MARCHF2: variants seen among roughly 807,000 people sequenced by gnomAD.
MARCHF2 encodes the protein membrane associated ring-CH-type finger 2, also known as E3 ubiquitin-protein ligase MARCHF2.
In MARCHF2, 22 loss-of-function variants were observed where a neutral mutation model predicts 24.0. The observed-to-expected ratio is 0.92, with a 90% CI of 0.66 to 1.31. The LOEUF (loss-of-function observed/expected upper bound fraction) is 1.31, where lower values mean the gene tolerates loss of function less well. Among genes scored for constraint, MARCHF2 ranks in the 50% most tolerant of loss-of-function variants. The pLI, the probability that MARCHF2 is intolerant of heterozygous loss-of-function variation, is 0.00. For missense variants in MARCHF2, 301 were observed against 335.3 expected, an observed-to-expected ratio of 0.90 and a Z score of 0.80; for synonymous variants, 154 against 153.0, an observed-to-expected ratio of 1.01 and a Z score of -0.05.
chr19:8,438,177 T>C (rs907196481), intron 4 of MARCHF2, among the ~76,000 whole-genome samples: 1 of 152,226 alleles, frequency 6.6e-6, no homozygotes, highest in Admixed American at 6.5e-5. Context: ...GTGTATCTTG[T>C]CTTTGCAGGA....
chr19:8,430,599 C>T lies in MARCHF2; in HGVS notation c.373-59C>T, dbSNP rs933642019. ...CCTAGGCCTGGAGGTCCTTACCCCT[C>T]CCCCTCAGTAGCCCCTTCTCTGCCC... On this transcript the variant is annotated intron_variant, in intron 3 of 4. Coordinates refer to ENST00000215555, the MANE Select transcript of MARCHF2 (RefSeq NM_001005415.2). The surrounding 1 kb of genome is among the most constrained non-coding windows in gnomAD (Gnocchi z 4.4). 4 of 1,423,558 alleles carry T rather than the reference C, an allele frequency of 2.8e-6. No homozygotes were observed. The highest frequency in any genetic ancestry group is 3.4e-5 in the Admixed American group (2 of 59,096). The allele number at this position is 1,423,558 out of a possible 1,614,324, so 88.2% of individuals were successfully genotyped here. A position where few individuals can be genotyped will look rare whatever the true frequency, so the allele number is the denominator to read the frequency against.
chr19:8,415,837 A>G (rs369731184), intron 1 of MARCHF2, among the ~76,000 whole-genome samples: 1 of 151,644 alleles, frequency 6.6e-6, no homozygotes, highest in African/African-American at 2.4e-5. Context: ...CTCCCATTTC[A>G]GCAGCCTCAG....
Position 8,438,700 on chromosome 19 carries a change from C to A in MARCHF2, c.*154C>A. 1 of 633,778 alleles carries A rather than the reference C, an allele frequency of 1.6e-6. No homozygotes were observed. Among genetic ancestry groups the A allele is most frequent in the Non-Finnish European group, 2.6e-6 (1 of 379,812 alleles). The allele number at this position is 633,778 out of a possible 1,614,324, so 39.3% of individuals were successfully genotyped here. Reference sequence around the variant, plus strand: ...CAAGAGACACCATGCAGAGCCTAGTCTGTGATCCTGTGTGAAGATATTTTC... The same window carrying A: ...CAAGAGACACCATGCAGAGCCTAGTATGTGATCCTGTGTGAAGATATTTTC... On this transcript the variant is annotated 3_prime_UTR_variant, in exon 5 of 5. Coordinates refer to ENST00000215555, the MANE Select transcript of MARCHF2 (RefSeq NM_001005415.2).
intron 4 of MARCHF2, among the ~76,000 whole-genome samples, chr19:8,432,870 A>G (rs1349835464): frequency 6.6e-6 from 1 of 151,406 alleles, no homozygotes; most frequent in African/African-American, 2.4e-5. Flanking sequence ...GAGGATCACC[A>G]TAGCCCATGA....
chr19:8,428,663 A>AAAAAAAC (rs1568239433), intron 3 of MARCHF2, among the ~76,000 whole-genome samples: 1 of 145,468 alleles, frequency 6.9e-6, no homozygotes, highest in African/African-American at 2.6e-5. Context: ...AAAAAAAAAA[A>AAAAAAAC]AAAAAAAAAA....
chr19:8,426,650 G>A lies in MARCHF2; in HGVS notation c.218G>A (p.Gly73Glu), dbSNP rs373043015. ...FCRICHEGAN[G>E]ECLLSPCGCT... The stretch of plus-strand genomic sequence containing the variant: ...CGGATCTGCCATGAGGGAGCGAACG[G>A]GGAGTGCTTGCTGTCCCCGTGTGGC... Residue 73 changes from glycine (G) to glutamate (E), a missense_variant, in exon 3 of 5, where the codon GGG (glycine) becomes GAG (glutamate). Physicochemically the swap from Gly to Glu is moderately conservative, Grantham distance 98 (BLOSUM62 -2). Transcript: ENST00000215555. The A allele has an allele frequency of 1.2e-6, 2 of 1,613,984 alleles. No homozygotes were observed. The highest frequency in any genetic ancestry group is 2.7e-5 in the African/African-American group (2 of 74,904).
Position 8,426,867 on chromosome 19 carries a change from G to A in MARCHF2, c.372+63G>A, listed in dbSNP as rs923174836. On this transcript the variant is annotated intron_variant, in intron 3 of 4. Transcript: ENST00000215555. The stretch of plus-strand genomic sequence containing the variant: ...GAGAGGGCAGACATGGGGGCCAAAG[G>A]CAGGAGCTGCCCCGGGCAATCTGGT... The A allele has an allele frequency of 4.0e-6, 6 of 1,487,120 alleles. No individual in the cohort carries two copies. In the African/African-American group the frequency reaches 8.3e-5, roughly 21 times the overall value. 92.1% of individuals were successfully genotyped at this position (1,487,120 alleles called of 1,614,324 possible). A position where few individuals can be genotyped will look rare whatever the true frequency, so the allele number is the denominator to read the frequency against.
At chr19:8,435,101 T>C (rs7257022) in intron 4 of MARCHF2, among the ~76,000 whole-genome samples, 143,355 of 149,234 alleles carry the variant, frequency 0.96, 69,112 homozygotes, top group East Asian at 1. Flanking sequence ...TCACTGCAAC[T>C]TCTGCCTCTC....
At chr19:8,425,463 C>T (rs1366016679) in intron 2 of MARCHF2, among the ~76,000 whole-genome samples, 1 of 151,756 alleles carries the variant, frequency 6.6e-6, no homozygotes, top group Non-Finnish European at 1.5e-5. Flanking sequence ...CCACACTGGC[C>T]TTGAACTCCT....
intron 1 of MARCHF2, among the ~76,000 whole-genome samples, chr19:8,419,763 C>G (rs1218503066): frequency 5.5e-5 from 8 of 145,418 alleles, no homozygotes; most frequent in Non-Finnish European, 1.2e-4. Context: ...TTGCAGTGAG[C>G]TGAGATCAGG....
At chr19:8,421,397 T>G (rs1443953127) in intron 1 of MARCHF2, among the ~76,000 whole-genome samples, 1 of 146,212 alleles carries the variant, frequency 6.8e-6, no homozygotes, top group Non-Finnish European at 1.5e-5. Flanking sequence ...TTTTTTTTTT[T>G]TTTGTATTTT....
chr19:8,413,306 GA>G lies in MARCHF2; in HGVS notation c.-166del, dbSNP rs1200949635. 1.3e-5 allele frequency: 2 copies of G among 151,992 alleles called. No individual in the cohort carries two copies. Among genetic ancestry groups the G allele is most frequent in the African/African-American group, 4.8e-5 (2 of 41,424 alleles). The allele number at this position is 151,992 out of a possible 1,614,324, so 9.4% of individuals were successfully genotyped here. ...CTGTCGGCTCGGCGGGCGGTGCCCGGACGCAGGTGCCGGCCGGAGCGGAGCT... is the reference window on the plus strand; with the variant it reads ...CTGTCGGCTCGGCGGGCGGTGCCCGGCGCAGGTGCCGGCCGGAGCGGAGCT... On this transcript the variant is annotated 5_prime_UTR_variant, in exon 1 of 5. Transcript: ENST00000215555.
chr19:8,426,920 G>A (rs567746003), intron 3 of MARCHF2, 116 bp downstream of exon 3: 70 of 887,750 alleles, frequency 7.9e-5, no homozygotes, highest in South Asian at 6.4e-4. Context: ...ACTCCCTACC[G>A]CCCCTGTCCA....
intron 1 of MARCHF2, among the ~76,000 whole-genome samples, chr19:8,415,745 A>AAAAAAAAAAAAAAAAAAAAAAAAAAAAAC (rs1568233711): frequency 1.9e-5 from 1 of 53,986 alleles, no homozygotes; most frequent in African/African-American, 5.7e-5. Flanking sequence ...CAAAAAAAAC[A>AAAAAAAAAAAAAAAAAAAAAAAAAAAAAC]AAAAAAAAAA....
chr19:8,438,495 T>A lies in MARCHF2; in HGVS notation c.690T>A (p.Ser230=). 1 of 1,614,074 alleles carries A rather than the reference T, an allele frequency of 6.2e-7. No individual in the cohort carries two copies. The highest frequency in any genetic ancestry group is 1.1e-5 in the South Asian group (1 of 91,076). The part of the protein sequence containing the change: ...EADSPEGPQH[S]PLAAGLLKKV... ...ACAGCCCCGAGGGCCCCCAGCATTC[T>A]CCACTGGCAGCTGGACTCCTGAAGA... The change falls in exon 5 of 5, where the codon TCT becomes TCA. Residue 230 remains serine (S), a synonymous_variant. Coordinates refer to ENST00000215555, the MANE Select transcript of MARCHF2 (RefSeq NM_001005415.2).
chr19:8,417,860 T>C (rs1461570925), intron 1 of MARCHF2, among the ~76,000 whole-genome samples: 3 of 139,478 alleles, frequency 2.2e-5, no homozygotes, highest in African/African-American at 7.8e-5. Flanking sequence ...CCTCCCAGGT[T>C]CAAGTGATTC....
chr19:8,414,079 A>G (rs1470541554), intron 1 of MARCHF2, among the ~76,000 whole-genome samples: 2 of 152,222 alleles, frequency 1.3e-5, no homozygotes, highest in Non-Finnish European at 2.9e-5. Flanking sequence ...AATGAATGCA[A>G]TAACAACCTC....
At chr19:8,417,118 A>T (rs540976305) in intron 1 of MARCHF2, among the ~76,000 whole-genome samples, 12 of 150,696 alleles carry the variant, frequency 8.0e-5, no homozygotes, top group Admixed American at 7.3e-4. Context: ...AGGAGCTGGG[A>T]TAGTTCCTGT....
chr19:8,416,340 C>CAAAAA (rs71175852), intron 1 of MARCHF2, among the ~76,000 whole-genome samples: 1 of 77,450 alleles, frequency 1.3e-5, no homozygotes, highest in Non-Finnish European at 2.5e-5. Context: ...GACTCTGTCT[C>CAAAAA]AAAAAAAAAA....
Sources: gnomAD v4.1 joint callset for allele counts (sites outside exome capture counted in the v4.1 genomes callset) on GRCh38, gnomAD v4.1.1 for gene constraint, Gnocchi (gnomAD v3.1) non-coding constraint, MANE v1.5 for transcripts, NCBI Gene and HGNC (gene_info 2026-07-23, HGNC 2026-07-21) for gene names.